SLC24A2: variants seen among roughly 807,000 people sequenced by gnomAD.
The protein encoded by SLC24A2 is solute carrier family 24 member 2.
A neutral mutation model predicts 62.0 loss-of-function variants in SLC24A2; 36 were observed. The observed-to-expected ratio is 0.58, with a 90% CI of 0.44 to 0.77. The LOEUF is 0.77. Ranked by LOEUF, SLC24A2 falls within the 30% of genes least tolerant of loss-of-function variation. SLC24A2 has a pLI of 0.00. For synonymous variants in SLC24A2, 358 were observed against 294.0 expected (o/e 1.22, Z -2.23); for missense variants, 846 against 817.9 (o/e 1.03, Z -0.42).
At chr9:19,843,148 A>G in the SLC24A2 span, among the ~76,000 whole-genome samples, 2 of 152,204 alleles carry the variant, frequency 1.3e-5, no homozygotes, top group African/African-American at 2.4e-5. Context: ...AAAAAAGCTA[A>G]TATGTTCTAG....
At chr9:20,199,381 T>C in the SLC24A2 span, among the ~76,000 whole-genome samples, 1 of 152,218 alleles carries the variant, frequency 6.6e-6, no homozygotes, top group Admixed American at 6.5e-5. Flanking sequence ...CTTCCCATCC[T>C]CAGAGAGCCT....
At chr9:19,852,859 T>C in the SLC24A2 span, among the ~76,000 whole-genome samples, 1 of 152,154 alleles carries the variant, frequency 6.6e-6, no homozygotes, top group African/African-American at 2.4e-5. Flanking sequence ...CTGTGAAGAA[T>C]GTCAATGGTA....
At chr9:20,029,914 C>T in the SLC24A2 span, among the ~76,000 whole-genome samples, 1 of 152,142 alleles carries the variant, frequency 6.6e-6, no homozygotes, top group South Asian at 2.1e-4. Flanking sequence ...TGACAAGCCC[C>T]ATGTTAGTGT....
At chr9:19,869,350 A>G in the SLC24A2 span, among the ~76,000 whole-genome samples, 2 of 152,000 alleles carry the variant, frequency 1.3e-5, no homozygotes, top group South Asian at 2.1e-4. Flanking sequence ...ACTATTTTTG[A>G]CAATAATTCA....
At chr9:19,901,749 G>A in the SLC24A2 span, among the ~76,000 whole-genome samples, 2 of 152,130 alleles carry the variant, frequency 1.3e-5, no homozygotes, top group Non-Finnish European at 2.9e-5. Context: ...CTCTAAAACT[G>A]GCCAGAACTA....
the SLC24A2 span, among the ~76,000 whole-genome samples, chr9:19,848,446 A>G: frequency 6.6e-6 from 1 of 152,130 alleles, no homozygotes; most frequent in Non-Finnish European, 1.5e-5. Flanking sequence ...ACAATTTATT[A>G]TTGGTGTGGA....
the SLC24A2 span, among the ~76,000 whole-genome samples, chr9:19,845,777 G>A: frequency 6.6e-6 from 1 of 151,938 alleles, no homozygotes; most frequent in East Asian, 1.9e-4. Flanking sequence ...CAGAGATTTT[G>A]GTATGTTGTT....
the SLC24A2 span, among the ~76,000 whole-genome samples, chr9:19,959,901 T>C: frequency 6.6e-6 from 1 of 152,192 alleles, no homozygotes; most frequent in Non-Finnish European, 1.5e-5. Flanking sequence ...GAGGCTACCC[T>C]TAGAAAGGGA....
intron 9 of SLC24A2, among the ~76,000 whole-genome samples, chr9:19,526,998 G>C (rs1833475321): frequency 6.6e-6 from 1 of 152,038 alleles, no homozygotes; most frequent in Non-Finnish European, 1.5e-5. Context: ...AAACTATGAT[G>C]TGCTTTCAGT....
At chr9:19,695,552 C>T (rs1820164204) in intron 2 of SLC24A2, among the ~76,000 whole-genome samples, 1 of 151,860 alleles carries the variant, frequency 6.6e-6, no homozygotes, top group Admixed American at 6.6e-5. Context: ...CAATATCTAG[C>T]AAACTTGAAG....
At chr9:19,689,704 C>T (rs1391835241) in intron 2 of SLC24A2, among the ~76,000 whole-genome samples, 1 of 152,136 alleles carries the variant, frequency 6.6e-6, no homozygotes, top group African/African-American at 2.4e-5. Flanking sequence ...TTCTCCTGCC[C>T]AGCACCTACC....
the SLC24A2 span, among the ~76,000 whole-genome samples, chr9:19,877,786 G>A: frequency 9.2e-5 from 14 of 152,086 alleles, no homozygotes; most frequent in Non-Finnish European, 1.0e-4. Flanking sequence ...ATATTAAAGG[G>A]AACAGTGAAA....
At chr9:20,201,484 G>A in the SLC24A2 span, among the ~76,000 whole-genome samples, 4 of 152,240 alleles carry the variant, frequency 2.6e-5, no homozygotes, top group African/African-American at 4.8e-5. Flanking sequence ...GTAACAGCTC[G>A]ACAATTTGAG....
At chr9:20,071,514 T>G in the SLC24A2 span, among the ~76,000 whole-genome samples, 1 of 152,200 alleles carries the variant, frequency 6.6e-6, no homozygotes, top group African/African-American at 2.4e-5. Flanking sequence ...TGAGGGTGAC[T>G]GTGGTAGGAT....
chr9:19,700,015 C>T (rs1423036352), intron 2 of SLC24A2, among the ~76,000 whole-genome samples: 3 of 152,110 alleles, frequency 2.0e-5, no homozygotes, highest in Non-Finnish European at 4.4e-5. Flanking sequence ...TCCCGAGCCT[C>T]TGTAATTGTA....
At chr9:19,597,347 C>A (rs1836730098) in intron 4 of SLC24A2, 68 bp from the exon 5 acceptor site, 1 of 1,045,878 alleles carries the variant, frequency 9.6e-7, no homozygotes, top group African/African-American at 1.6e-5. Context: ...TGTTTTTACA[C>A]ATTTTTAATT....
chr9:20,196,498 T>A, the SLC24A2 span, among the ~76,000 whole-genome samples: 1 of 152,238 alleles, frequency 6.6e-6, no homozygotes, highest in South Asian at 2.1e-4. Flanking sequence ...TGGATTCCAC[T>A]TTAAAATCGG....
the SLC24A2 span, among the ~76,000 whole-genome samples, chr9:20,031,417 G>GCA: frequency 6.8e-6 from 1 of 146,278 alleles, no homozygotes; most frequent in East Asian, 2.0e-4. Context: ...GCGCATATGT[G>GCA]CACACACACA....
At chr9:20,170,655 G>T in the SLC24A2 span, among the ~76,000 whole-genome samples, 4 of 152,048 alleles carry the variant, frequency 2.6e-5, no homozygotes, top group East Asian at 3.9e-4. Flanking sequence ...AAACAGGAAA[G>T]TTGAGTTTGA....
Sources: allele counts gnomAD v4.1 joint callset (sites outside exome capture counted in the v4.1 genomes callset), GRCh38; gene constraint gnomAD v4.1.1; transcripts MANE v1.5; gene names NCBI Gene and HGNC (gene_info 2026-07-23, HGNC 2026-07-21).